The following PIK3C2A variants were observed in gnomAD, a reference collection of about 807,000 sequenced individuals.
PIK3C2A encodes the protein phosphatidylinositol 4-phosphate 3-kinase C2 domain-containing subunit alpha.
A neutral mutation model predicts 204.5 loss-of-function variants in PIK3C2A; 97 were observed. That is an observed-to-expected ratio of 0.47 (90% CI 0.40 to 0.56). PIK3C2A has a LOEUF of 0.56. Ranked by LOEUF, PIK3C2A falls within the 20% of genes least tolerant of loss-of-function variation. The pLI, the probability that PIK3C2A is intolerant of heterozygous loss-of-function variation, is 0.00. For missense variants in PIK3C2A, 1,735 were observed against 1,969.2 expected (o/e 0.88, Z 2.25); for synonymous variants, 653 against 664.4 (o/e 0.98, Z 0.26).
chr11:17,096,820 G>A (rs1848469266), intron 27 of PIK3C2A, among the ~76,000 whole-genome samples: 1 of 152,148 alleles, frequency 6.6e-6, no homozygotes, highest in South Asian at 2.1e-4. Context: ...GATTAAATTT[G>A]TTACAACAAG....
At chr11:17,207,505 G>A (rs1247893535) in intron 1 of PIK3C2A, among the ~76,000 whole-genome samples, 3 of 152,316 alleles carry the variant, frequency 2.0e-5, no homozygotes, top group African/African-American at 4.8e-5. Flanking sequence ...GGACAAGGCG[G>A]GGGAGGGGGG....
intron 17 of PIK3C2A, among the ~76,000 whole-genome samples, 187 bp downstream of exon 17, chr11:17,119,033 A>G (rs148864542): frequency 6.6e-6 from 1 of 152,368 alleles, no homozygotes; most frequent in Non-Finnish European, 1.5e-5. Flanking sequence ...GTGCCTATAT[A>G]CAATATTCAA....
chr11:17,144,784 T>C (rs1394910819), intron 8 of PIK3C2A, among the ~76,000 whole-genome samples: 1 of 148,140 alleles, frequency 6.8e-6, no homozygotes, highest in African/African-American at 2.5e-5. Flanking sequence ...TAATCCCAGC[T>C]ACTCAGGAGG....
At chr11:17,130,015 C>A (rs1849644927) in intron 12 of PIK3C2A, among the ~76,000 whole-genome samples, 1 of 152,160 alleles carries the variant, frequency 6.6e-6, no homozygotes, top group Non-Finnish European at 1.5e-5. Flanking sequence ...TCTTTAAAGA[C>A]TTACAAATGC....
At chr11:17,196,512 G>T (rs1171730468) in intron 1 of PIK3C2A, among the ~76,000 whole-genome samples, 1 of 152,168 alleles carries the variant, frequency 6.6e-6, no homozygotes, top group Non-Finnish European at 1.5e-5. Flanking sequence ...GACAGTAAAT[G>T]AAATAGGAGA....
At position 17,087,829 on chromosome 11, in the gene PIK3C2A, C is replaced by A. The variant is rs1848195063; in HGVS notation, c.*1909G>T. 1 of 152,066 alleles carries A rather than the reference C, an allele frequency of 6.6e-6. No homozygotes were observed. Among genetic ancestry groups the A allele is most frequent in the African/African-American group, 2.4e-5 (1 of 41,396 alleles). 9.4% of individuals were successfully genotyped at this position (152,066 alleles called of 1,614,324 possible). ...TGCATTTTAATTAACATTAAATAGACAACACATTTTAACATTTAAAAAAGA... is the reference window on the plus strand; with the variant it reads ...TGCATTTTAATTAACATTAAATAGAAAACACATTTTAACATTTAAAAAAGA... On this transcript the variant is annotated 3_prime_UTR_variant, in exon 33 of 33. Coordinates refer to ENST00000691414, the MANE Select transcript of PIK3C2A (RefSeq NM_002645.4).
At chr11:17,177,335 T>C (rs1851370552) in intron 1 of PIK3C2A, among the ~76,000 whole-genome samples, 1 of 152,162 alleles carries the variant, frequency 6.6e-6, no homozygotes, top group South Asian at 2.1e-4. Context: ...GGCAAGAACT[T>C]TTTCTCATCT....
chr11:17,163,814 T>C (rs758537095), intron 2 of PIK3C2A, among the ~76,000 whole-genome samples: 31 of 151,782 alleles, frequency 2.0e-4, no homozygotes, highest in Admixed American at 7.9e-4. Flanking sequence ...AATTAGTATA[T>C]CAACATTTCA....
intron 1 of PIK3C2A, among the ~76,000 whole-genome samples, chr11:17,205,381 G>A (rs1324911956): frequency 6.7e-6 from 1 of 149,894 alleles, no homozygotes; most frequent in Non-Finnish European, 1.5e-5. Context: ...GGCTGAGGCA[G>A]GAGAGTCACT....
Position 17,100,528 on chromosome 11 carries a change from A to G in PIK3C2A, c.4009-559T>C, listed in dbSNP as rs187734929. ...TGAGCCACCGCGCCTGGCCTAGGCC[A>G]CTGTTTTTACTTTTATAGATTTAGG... On this transcript the variant is annotated intron_variant, in intron 25 of 32. Coordinates refer to ENST00000691414, the MANE Select transcript of PIK3C2A (RefSeq NM_002645.4). 3.2e-3 allele frequency among the ~76,000 whole-genome samples: 487 copies of G among 152,076 alleles called. 3 individuals carry two copies. The highest frequency in any genetic ancestry group is 0.011 in the African/African-American group (462 of 41,448).
chr11:17,095,894 G>A lies in PIK3C2A; in HGVS notation c.4326+1163C>T, dbSNP rs370022410. Among the ~76,000 whole-genome samples, 66 of 151,504 alleles carry A rather than the reference G, an allele frequency of 4.4e-4. 1 individual carries two copies. In the South Asian group the frequency reaches 0.014, roughly 31 times the overall value. On this transcript the variant is annotated intron_variant, in intron 27 of 32. Transcript: ENST00000691414. ...ATTGCGCCACTGCACTCCAGCCTGGGCAACAGAGTGAGACTCTTTTATATT... is the reference window on the plus strand; with the variant it reads ...ATTGCGCCACTGCACTCCAGCCTGGACAACAGAGTGAGACTCTTTTATATT...
chr11:17,128,293 G>C (rs1336252239), intron 13 of PIK3C2A, among the ~76,000 whole-genome samples: 1 of 148,636 alleles, frequency 6.7e-6, no homozygotes, highest in South Asian at 2.1e-4. Flanking sequence ...TTTTTGGCGG[G>C]GGGTGGGGAG....
chr11:17,144,104 A>G (rs1044810217), intron 8 of PIK3C2A, among the ~76,000 whole-genome samples: 1 of 152,110 alleles, frequency 6.6e-6, no homozygotes, highest in African/African-American at 2.4e-5. Flanking sequence ...GCTATCTCCA[A>G]TGTCATCTGC....
chr11:17,157,361 G>A (rs970642690), intron 2 of PIK3C2A, among the ~76,000 whole-genome samples: 6 of 150,976 alleles, frequency 4.0e-5, no homozygotes, highest in African/African-American at 7.3e-5. Context: ...TCAGGAGGCT[G>A]AGGCGGGAAA....
chr11:17,094,436 T>C (rs1848396764), intron 27 of PIK3C2A, 51 bp from the exon 28 acceptor site: 1 of 1,518,042 alleles, frequency 6.6e-7, no homozygotes, highest in Non-Finnish European at 9.0e-7. Context: ...TAAAACCTTC[T>C]TTCCAGGCCG....
At chr11:17,093,845 C>T (rs1374008538) in intron 28 of PIK3C2A, among the ~76,000 whole-genome samples, 2 of 151,876 alleles carry the variant, frequency 1.3e-5, no homozygotes, top group Non-Finnish European at 2.9e-5. Context: ...CCATGGTGCC[C>T]AGGCTAGTCT....
In PIK3C2A at chr11:17,146,088, T is replaced by G. The variant is rs1590960752; in HGVS notation, c.1561-146A>C. The G allele has an allele frequency of 1.2e-5, 7 of 607,192 alleles. No individual in the cohort carries two copies. In the East Asian group the frequency reaches 2.0e-4, roughly 17 times the overall value. The allele number at this position is 607,192 out of a possible 1,614,324, so 37.6% of individuals were successfully genotyped here. On this transcript the variant is annotated intron_variant, in intron 6 of 32. Transcript: ENST00000691414. ...AATAAAATTCTATCAGAATTAAATATTATTTGTAACTGACTCAGAAAAAAA... is the reference window on the plus strand; with the variant it reads ...AATAAAATTCTATCAGAATTAAATAGTATTTGTAACTGACTCAGAAAAAAA...
rs377007091 is a variant in PIK3C2A at position 17,133,987 on chromosome 11, T to C, written c.2108+832A>G. On this transcript the variant is annotated intron_variant, in intron 11 of 32. Transcript: ENST00000691414. ...TCTTAAATTGCCTAATTAACTGACA[T>C]TTGCTCTGTTTTCCTGCTATATTTG... 3.3e-5 allele frequency among the ~76,000 whole-genome samples: 5 copies of C among 152,040 alleles called. No homozygotes were observed. In the East Asian group the frequency reaches 9.6e-4, roughly 29 times the overall value.
chr11:17,190,101 A>G (rs1170722741), intron 1 of PIK3C2A, among the ~76,000 whole-genome samples: 1 of 151,938 alleles, frequency 6.6e-6, no homozygotes, highest in Non-Finnish European at 1.5e-5. Context: ...CATCTCTACT[A>G]AAAATACAAA....
Sources: gnomAD v4.1 joint callset for allele counts (sites outside exome capture counted in the v4.1 genomes callset) on GRCh38, gnomAD v4.1.1 for gene constraint, MANE v1.5 for transcripts, NCBI Gene and HGNC (gene_info 2026-07-23, HGNC 2026-07-21) for gene names.